KLF12: variants seen among roughly 807,000 people sequenced by gnomAD.
KLF12 encodes the protein KLF transcription factor 12.
In KLF12, 9 loss-of-function variants were observed where a neutral mutation model predicts 37.8. The ratio of observed to expected loss-of-function variants is 0.24; its 90% CI spans 0.14 to 0.42. The LOEUF is 0.42. Ranked by LOEUF, KLF12 falls within the 10% of genes least tolerant of loss-of-function variation. The pLI is 1.00. For synonymous variants in KLF12, 208 were observed against 202.1 expected (o/e 1.03, Z -0.25); for missense variants, 411 against 516.0 (o/e 0.80, Z 1.97).
intron 6 of KLF12, among the ~76,000 whole-genome samples, chr13:73,755,135 T>A (rs1431635207): frequency 6.6e-6 from 1 of 152,180 alleles, no homozygotes; most frequent in Non-Finnish European, 1.5e-5. Context: ...AAATAATAGG[T>A]ATACCCTTTT....
chr13:74,270,337 A>G, the KLF12 span, among the ~76,000 whole-genome samples: 37 of 152,182 alleles, frequency 2.4e-4, 1 homozygote, highest in Admixed American at 9.2e-4. Flanking sequence ...AGGATATGGT[A>G]TCAGGCCAAC....
chr13:74,275,188 C>A, the KLF12 span, among the ~76,000 whole-genome samples: 7 of 152,046 alleles, frequency 4.6e-5, no homozygotes, highest in South Asian at 1.2e-3. Context: ...GTTTGCAGAC[C>A]AGTAAGGAGG....
At chr13:73,849,375 T>TCAAAA (rs1255438161) in intron 3 of KLF12, among the ~76,000 whole-genome samples, 1 of 98,986 alleles carries the variant, frequency 1.0e-5, no homozygotes, top group Non-Finnish European at 1.9e-5. Flanking sequence ...GGAGACTCCA[T>TCAAAA]AAAAAAAAAA....
At chr13:73,717,250 T>A (rs1284146059) in intron 6 of KLF12, among the ~76,000 whole-genome samples, 1 of 152,162 alleles carries the variant, frequency 6.6e-6, no homozygotes, top group Non-Finnish European at 1.5e-5. Flanking sequence ...GCAGGAGAAC[T>A]GCTTGAGCCC....
intron 5 of KLF12, among the ~76,000 whole-genome samples, chr13:73,769,658 C>T (rs1185881428): frequency 1.3e-5 from 2 of 152,104 alleles, no homozygotes. Flanking sequence ...TCTCTGAAAA[C>T]CAGACCCAGG....
chr13:74,181,614 G>A, the KLF12 span, among the ~76,000 whole-genome samples: 3 of 150,236 alleles, frequency 2.0e-5, no homozygotes, highest in Admixed American at 6.7e-5. Context: ...CAGGAAAATC[G>A]CTTGAACCCA....
chr13:73,953,303 A>G (rs1309495884), intron 2 of KLF12, among the ~76,000 whole-genome samples: 1 of 150,648 alleles, frequency 6.6e-6, no homozygotes, highest in Non-Finnish European at 1.5e-5. Context: ...ATGGAAATAC[A>G]AGTTTGGTTA....
At chr13:74,026,652 C>A (rs1197355700) in intron 1 of KLF12, among the ~76,000 whole-genome samples, 1 of 152,070 alleles carries the variant, frequency 6.6e-6, no homozygotes, top group Non-Finnish European at 1.5e-5. Context: ...TTAAAAACAA[C>A]AAATACCTGA....
chr13:74,101,520 T>C (rs1420375141), intron 1 of KLF12, among the ~76,000 whole-genome samples: 2 of 151,930 alleles, frequency 1.3e-5, no homozygotes, highest in African/African-American at 4.8e-5. Context: ...AGTTTCTAAA[T>C]ACCACTCTCC....
the KLF12 span, chr13:74,258,489 G>C: frequency 1.3e-5 from 2 of 152,156 alleles, no homozygotes; most frequent in African/African-American, 4.8e-5. Context: ...AAAACAAGCA[G>C]AGATTAATAA....
intron 6 of KLF12, among the ~76,000 whole-genome samples, chr13:73,743,951 T>A (rs914129665): frequency 4.6e-5 from 7 of 152,192 alleles, no homozygotes; most frequent in African/African-American, 1.7e-4. Flanking sequence ...TAGAAGAAAC[T>A]AATGTATACC....
At chr13:74,128,016 T>C (rs965957235) in intron 1 of KLF12, among the ~76,000 whole-genome samples, 3 of 152,222 alleles carry the variant, frequency 2.0e-5, no homozygotes, top group Non-Finnish European at 4.4e-5. Flanking sequence ...ATTAAAGAAG[T>C]AGCCTGCAGA....
rs181154707 is a variant in KLF12 at position 73,823,538 on chromosome 13, A to G, written c.671-10251T>C. On this transcript the variant is annotated intron_variant, in intron 4 of 7. Coordinates refer to ENST00000377669, the MANE Select transcript of KLF12 (RefSeq NM_007249.5). Reference sequence around the variant, plus strand: ...TATATTTAAACCTGCAAGGTTAAAGATAAGTCTTGATACATAATCATGATT... The same window carrying G: ...TATATTTAAACCTGCAAGGTTAAAGGTAAGTCTTGATACATAATCATGATT... Among the ~76,000 whole-genome samples the G allele has an allele frequency of 2.1e-3, 318 of 152,350 alleles. 6 individuals carry two copies. The highest frequency in any genetic ancestry group is 0.018 in the Admixed American group (275 of 15,300).
the KLF12 span, among the ~76,000 whole-genome samples, chr13:74,191,913 A>G: frequency 6.6e-6 from 1 of 152,290 alleles, no homozygotes; most frequent in Non-Finnish European, 1.5e-5. Context: ...TTCCCTTTTT[A>G]AAAATTCCAG....
chr13:74,256,780 C>A, the KLF12 span, among the ~76,000 whole-genome samples: 1 of 151,826 alleles, frequency 6.6e-6, no homozygotes, highest in Admixed American at 6.6e-5. Flanking sequence ...TGCAGACTCA[C>A]TGTCATTCAC....
intron 4 of KLF12, among the ~76,000 whole-genome samples, chr13:73,822,509 C>A (rs1464577786): frequency 1.3e-5 from 2 of 152,088 alleles, no homozygotes; most frequent in African/African-American, 4.8e-5. Flanking sequence ...GCTAGAGGAT[C>A]ATTTGAGCCT....
At chr13:73,994,918 G>T in intron 2 of KLF12, 72 bp downstream of exon 2, 2 of 1,011,960 alleles carry the variant, frequency 2.0e-6, no homozygotes, top group Non-Finnish European at 1.6e-6. Context: ...ACTCTAATGA[G>T]AATAAACTGC....
chr13:73,742,481 TG>T (rs1878069003), intron 6 of KLF12, among the ~76,000 whole-genome samples: 2 of 152,224 alleles, frequency 1.3e-5, no homozygotes, highest in Admixed American at 1.3e-4. Flanking sequence ...AATTTAATGT[TG>T]GCTAGATACT....
intron 7 of KLF12, among the ~76,000 whole-genome samples, chr13:73,709,514 T>A (rs1212629951): frequency 6.6e-6 from 1 of 152,236 alleles, no homozygotes; most frequent in East Asian, 1.9e-4. Flanking sequence ...TGATTTCATT[T>A]TGAACACTGT....
Sources: gnomAD v4.1 joint callset for allele counts (sites outside exome capture counted in the v4.1 genomes callset) on GRCh38, gnomAD v4.1.1 for gene constraint, MANE v1.5 for transcripts, NCBI Gene and HGNC (gene_info 2026-07-23, HGNC 2026-07-21) for gene names.